The following MTAP variants were observed in gnomAD, a reference collection of about 807,000 sequenced individuals.
MTAP encodes S-methyl-5'-thioadenosine phosphorylase.
In MTAP, 33 loss-of-function variants were observed where a neutral mutation model predicts 33.6. The ratio of observed to expected loss-of-function variants is 0.98; its 90% confidence interval spans 0.74 to 1.31. The LOEUF (loss-of-function observed/expected upper bound fraction) is 1.31, where lower values mean the gene tolerates loss of function less well. Ranked by LOEUF, MTAP falls within the 40% of genes most tolerant of loss-of-function variation. The probability of loss-of-function intolerance (pLI) is 0.00; values close to 1 mark genes in which losing one functional copy is unlikely to be tolerated. For missense variants in MTAP, 367 were observed against 360.0 expected (o/e 1.02, Z -0.16); for synonymous variants, 148 against 125.7 (o/e 1.18, Z -1.19).
intron 5 of MTAP, among the ~76,000 whole-genome samples, chr9:21,847,569 A>T (rs1825413043): frequency 6.6e-6 from 1 of 152,150 alleles, no homozygotes; most frequent in Admixed American, 6.5e-5. Flanking sequence ...TCTACATAAT[A>T]CCTTTGACCA....
intron 4 of MTAP, among the ~76,000 whole-genome samples, chr9:21,818,668 T>C (rs1824549846): frequency 6.6e-6 from 1 of 152,198 alleles, no homozygotes; most frequent in Non-Finnish European, 1.5e-5. Context: ...TTAATTTTAA[T>C]TGACAAATGA....
chr9:21,826,042 C>G, intron 4 of MTAP, among the ~76,000 whole-genome samples: 1 of 151,792 alleles, frequency 6.6e-6, no homozygotes, highest in East Asian at 1.9e-4. Flanking sequence ...GGGTATTAAC[C>G]CCTTATCCGA....
intron 4 of MTAP, among the ~76,000 whole-genome samples, chr9:21,824,526 A>G (rs1019289651): frequency 1.1e-4 from 16 of 152,184 alleles, no homozygotes; most frequent in African/African-American, 3.9e-4. Flanking sequence ...GGGGTGCCTC[A>G]CAGTTAGCCT....
chr9:21,910,230 A>C (rs1190815149), intron 1 of MTAP, among the ~76,000 whole-genome samples: 2 of 152,216 alleles, frequency 1.3e-5, no homozygotes, highest in Admixed American at 6.5e-5. Context: ...CTAAGTAGAT[A>C]AGATACATAA....
downstream of MTAP, chr9:21,934,275 G>C (rs192454256): frequency 1.3e-5 from 2 of 152,164 alleles, no homozygotes; most frequent in African/African-American, 4.8e-5. This position sits in a 1 kb window ranked among gnomAD's most constrained non-coding sequence, Gnocchi z 5.0. Flanking sequence ...TTACAGGAAC[G>C]TACTCCTAAA....
intron 1 of MTAP, among the ~76,000 whole-genome samples, chr9:21,874,371 A>G (rs1037639892): frequency 6.6e-6 from 1 of 152,220 alleles, no homozygotes; most frequent in Admixed American, 6.5e-5. Flanking sequence ...CAAAATTTCA[A>G]ATGTGTTATA....
At chr9:21,810,361 T>A (rs1221161198) in intron 1 of MTAP, among the ~76,000 whole-genome samples, 1 of 152,174 alleles carries the variant, frequency 6.6e-6, no homozygotes, top group Non-Finnish European at 1.5e-5. Context: ...GACAGGGTAA[T>A]TTATAAAGAG....
At chr9:21,830,004 G>C (rs1824927498) in intron 4 of MTAP, among the ~76,000 whole-genome samples, 2 of 152,146 alleles carry the variant, frequency 1.3e-5, no homozygotes, top group African/African-American at 4.8e-5. Context: ...GGGGAGCCCT[G>C]GGTGTGACTG....
At chr9:21,868,624 G>A (rs529325938), downstream of MTAP, among the ~76,000 whole-genome samples, 154 of 152,074 alleles carry the variant, frequency 1.0e-3, no homozygotes, top group African/African-American at 3.4e-3. Context: ...ATCTGATTAC[G>A]TTTCTTTCCT....
intron 1 of MTAP, among the ~76,000 whole-genome samples, chr9:21,887,744 C>T (rs898676018): frequency 1.3e-5 from 2 of 152,168 alleles, no homozygotes; most frequent in African/African-American, 4.8e-5. Context: ...TAAAAGTGTT[C>T]CTATTTCTCC....
intron 4 of MTAP, 106 bp from the exon 5 acceptor site, chr9:21,837,802 A>G (rs1825146753): frequency 1.2e-6 from 1 of 827,642 alleles, no homozygotes; most frequent in African/African-American, 1.7e-5. Context: ...GTCTGGAGTA[A>G]AGACCCAAAT....
intron 1 of MTAP, chr9:21,811,485 G>A (rs1246544887): frequency 1.4e-5 from 3 of 214,940 alleles, no homozygotes; most frequent in South Asian, 6.5e-5. Context: ...TTTCTTTGGG[G>A]TGTCTTTAGA....
intron 1 of MTAP, among the ~76,000 whole-genome samples, chr9:21,887,436 T>C (rs60377942): frequency 2.1e-4 from 32 of 152,318 alleles, no homozygotes; most frequent in African/African-American, 7.5e-4. Context: ...ACAAAGGACA[T>C]GAACTCATCA....
rs549947177 is a variant in MTAP, at chr9:21,930,523, C to G, written c.148-485C>G. ...TGAAAAGGGCTATCCAATTAATTCCCCTTCTTATGGGCCTCAGCATTATAG... is the reference window on the plus strand; with the variant it reads ...TGAAAAGGGCTATCCAATTAATTCCGCTTCTTATGGGCCTCAGCATTATAG... On this transcript the variant is annotated intron_variant, in intron 1 of 1. Coordinates refer to the MTAP transcript ENST00000577563. 5 of 257,772 alleles carry G rather than the reference C, an allele frequency of 1.9e-5. No individual in the cohort carries two copies. The South Asian group carries it at 3.0e-4, about 15-fold the overall frequency. 16.0% of individuals were successfully genotyped at this position (257,772 alleles called of 1,614,324 possible).
intron 5 of MTAP, among the ~76,000 whole-genome samples, chr9:21,838,619 T>C (rs1213180827): frequency 6.6e-6 from 1 of 152,244 alleles, no homozygotes; most frequent in East Asian, 1.9e-4. Context: ...TGGCCATTAC[T>C]GCCCAGCCTT....
At chr9:21,910,443 A>G (rs957234402) in intron 1 of MTAP, among the ~76,000 whole-genome samples, 6 of 152,198 alleles carry the variant, frequency 3.9e-5, no homozygotes, top group Non-Finnish European at 7.4e-5. Context: ...CTATTGGAAG[A>G]TGACATATGA....
At chr9:21,844,985 C>T (rs1825342671) in intron 5 of MTAP, among the ~76,000 whole-genome samples, 1 of 149,730 alleles carries the variant, frequency 6.7e-6, no homozygotes, top group South Asian at 2.1e-4. Flanking sequence ...GAGCTGAGAT[C>T]ACGCCACTGC....
At chr9:21,898,414 G>T (rs1282381031) in intron 1 of MTAP, among the ~76,000 whole-genome samples, 1 of 152,164 alleles carries the variant, frequency 6.6e-6, no homozygotes, top group Non-Finnish European at 1.5e-5. Flanking sequence ...CTTCTGCATA[G>T]CAAAAGAAAC....
intron 5 of MTAP, among the ~76,000 whole-genome samples, chr9:21,848,310 G>T (rs1044102242): frequency 6.6e-6 from 1 of 152,094 alleles, no homozygotes; most frequent in Admixed American, 6.6e-5. Flanking sequence ...AAAAAGAACC[G>T]CTTGAGTTTT....
Sources: gnomAD v4.1 joint callset for allele counts (sites outside exome capture counted in the v4.1 genomes callset) on GRCh38, gnomAD v4.1.1 for gene constraint, Gnocchi (gnomAD v3.1) non-coding constraint, MANE v1.5 for transcripts, NCBI Gene and HGNC (gene_info 2026-07-23, HGNC 2026-07-21) for gene names.